SLC25A17: variants seen among roughly 807,000 people sequenced by gnomAD.
The protein encoded by SLC25A17 is solute carrier family 25 member 17, also known as peroxisomal membrane protein PMP34.
A neutral mutation model predicts 38.5 loss-of-function variants in SLC25A17; 26 were observed. That is an observed-to-expected ratio of 0.68 (90% CI 0.50 to 0.94). The LOEUF (loss-of-function observed/expected upper bound fraction) is 0.94. Among genes scored for constraint, SLC25A17 ranks in the 40% least tolerant of loss-of-function variants. SLC25A17 has a pLI of 0.00. For synonymous variants in SLC25A17, 139 were observed against 136.2 expected, an observed-to-expected ratio of 1.02 and a Z score of -0.14; for missense variants, 333 against 372.7, an observed-to-expected ratio of 0.89 and a Z score of 0.88.
chr22:40,800,737 C>T (rs1185284006), intron 1 of SLC25A17, among the ~76,000 whole-genome samples: 1 of 151,466 alleles, frequency 6.6e-6, no homozygotes, highest in African/African-American at 2.4e-5. Flanking sequence ...TTGCAGTAAG[C>T]CAAGATCGTG....
chr22:40,804,347 C>G (rs1403138546), intron 1 of SLC25A17, among the ~76,000 whole-genome samples: 1 of 151,976 alleles, frequency 6.6e-6, no homozygotes, highest in African/African-American at 2.4e-5. Context: ...CTACCAGGGC[C>G]CCTGTGAAGG....
intron 4 of SLC25A17, among the ~76,000 whole-genome samples, chr22:40,786,628 A>G (rs532971189): frequency 6.6e-6 from 1 of 152,230 alleles, no homozygotes; most frequent in Non-Finnish European, 1.5e-5. Context: ...AAAAAAGTCT[A>G]CATGTTCAGT....
At chr22:40,811,952 G>T (rs2057585478) in intron 1 of SLC25A17, among the ~76,000 whole-genome samples, 1 of 149,908 alleles carries the variant, frequency 6.7e-6, no homozygotes, top group African/African-American at 2.5e-5. Flanking sequence ...TTTAGCCTAA[G>T]TTCTTGGGGA....
chr22:40,791,928 T>A (rs990950864), intron 4 of SLC25A17, among the ~76,000 whole-genome samples: 2 of 152,186 alleles, frequency 1.3e-5, no homozygotes, highest in Non-Finnish European at 2.9e-5. Context: ...AAGAGAGAGC[T>A]ACACATCCAT....
At chr22:40,797,077 A>G (rs2057437484) in intron 2 of SLC25A17, among the ~76,000 whole-genome samples, 2 of 152,228 alleles carry the variant, frequency 1.3e-5, no homozygotes, top group South Asian at 2.1e-4. Context: ...AAGGCTACTC[A>G]AGAAACTGAT....
intron 3 of SLC25A17, among the ~76,000 whole-genome samples, chr22:40,794,250 T>C (rs1361624963): frequency 2.6e-5 from 4 of 152,110 alleles, no homozygotes; most frequent in African/African-American, 9.7e-5. Context: ...TATAAAACAA[T>C]GCATTTTAGT....
At chr22:40,792,460 C>A in intron 4 of SLC25A17, 65 bp downstream of exon 4, 1 of 1,398,100 alleles carries the variant, frequency 7.2e-7, no homozygotes, top group Non-Finnish European at 9.7e-7. Context: ...GCTAAATAAC[C>A]TCTTAGAGGA....
At chr22:40,774,320 T>C (rs555315610) in intron 7 of SLC25A17, among the ~76,000 whole-genome samples, 93 of 151,706 alleles carry the variant, frequency 6.1e-4, no homozygotes, top group African/African-American at 2.2e-3. Context: ...ACCTCCCAGG[T>C]TCAAGTGATT....
At chr22:40,806,709 T>C (rs1194612800) in intron 1 of SLC25A17, among the ~76,000 whole-genome samples, 1 of 152,162 alleles carries the variant, frequency 6.6e-6, no homozygotes, top group African/African-American at 2.4e-5. Flanking sequence ...GAAAATCTCA[T>C]ACTCATTAAG....
intron 2 of SLC25A17, among the ~76,000 whole-genome samples, chr22:40,796,172 G>A (rs2057427738): frequency 6.6e-6 from 1 of 152,192 alleles, no homozygotes; most frequent in African/African-American, 2.4e-5. Flanking sequence ...CAAGGACTGT[G>A]TTTTTCCTGG....
chr22:40,801,128 C>CATATATATATATATAT (rs60780380), intron 1 of SLC25A17, among the ~76,000 whole-genome samples: 5 of 101,202 alleles, frequency 4.9e-5, no homozygotes, highest in Admixed American at 1.1e-4. Flanking sequence ...AAATATATTA[C>CATATATATATATATAT]ATATATATAT....
chr22:40,817,563 C>G (rs2057654685), intron 1 of SLC25A17, among the ~76,000 whole-genome samples: 1 of 152,202 alleles, frequency 6.6e-6, no homozygotes, highest in Non-Finnish European at 1.5e-5. Context: ...CACCATCCCT[C>G]CAGTTACTGA....
At chr22:40,788,181 A>G (rs1323963252) in intron 4 of SLC25A17, among the ~76,000 whole-genome samples, 1 of 152,200 alleles carries the variant, frequency 6.6e-6, no homozygotes, top group Non-Finnish European at 1.5e-5. Context: ...CTTTTTACCC[A>G]TACTTATACG....
intron 4 of SLC25A17, among the ~76,000 whole-genome samples, chr22:40,781,277 G>C (rs1393788018): frequency 1.3e-5 from 2 of 148,264 alleles, no homozygotes; most frequent in Non-Finnish European, 3.0e-5. Flanking sequence ...ACGGAGTCTC[G>C]CTCTTTCGCC....
At chr22:40,796,677 C>T (rs563333108) in intron 2 of SLC25A17, among the ~76,000 whole-genome samples, 1 of 152,046 alleles carries the variant, frequency 6.6e-6, no homozygotes, top group South Asian at 2.1e-4. Context: ...TACAATTACC[C>T]TTTAATGCAG....
At chr22:40,795,552 A>G (rs1265109739) in intron 2 of SLC25A17, among the ~76,000 whole-genome samples, 1 of 152,202 alleles carries the variant, frequency 6.6e-6, no homozygotes, top group Non-Finnish European at 1.5e-5. Flanking sequence ...GGCCTCCCAA[A>G]GTGCTGGGAT....
At chr22:40,786,717 G>T (rs1216518127) in intron 4 of SLC25A17, among the ~76,000 whole-genome samples, 1 of 152,192 alleles carries the variant, frequency 6.6e-6, no homozygotes, top group Non-Finnish European at 1.5e-5. Flanking sequence ...TGGAACCCAC[G>T]GATGAGGGCC....
chr22:40,772,715 C>G (rs886943063), intron 8 of SLC25A17, among the ~76,000 whole-genome samples: 7 of 151,860 alleles, frequency 4.6e-5, no homozygotes, highest in African/African-American at 1.5e-4. Context: ...TAGCTCAGTA[C>G]AGCCTCAATC....
At chr22:40,795,476 T>G (rs1406717261) in intron 2 of SLC25A17, among the ~76,000 whole-genome samples, 1 of 151,976 alleles carries the variant, frequency 6.6e-6, no homozygotes, top group Non-Finnish European at 1.5e-5. Flanking sequence ...GTTTTTGTAG[T>G]AGAGACGGGG....
Sources: allele counts gnomAD v4.1 joint callset (sites outside exome capture counted in the v4.1 genomes callset), GRCh38; gene constraint gnomAD v4.1.1; transcripts MANE v1.5; gene names NCBI Gene and HGNC (gene_info 2026-07-23, HGNC 2026-07-21).